Variants in PHAF1 observed in about 807,000 individuals in gnomAD.
PHAF1 encodes phagosome assembly factor 1.
PHAF1 carries 23 observed loss-of-function variants against 63.1 expected under a neutral mutation model. The ratio of observed to expected loss-of-function variants is 0.36; its 90% confidence interval spans 0.26 to 0.52. PHAF1 has a LOEUF of 0.52. Ranked by LOEUF, PHAF1 falls within the 20% of genes least tolerant of loss-of-function variation. PHAF1 has a pLI of 0.93. For missense variants in PHAF1, 427 were observed against 517.2 expected, an observed-to-expected ratio of 0.83 and a Z score of 1.69; for synonymous variants, 167 against 185.0, an observed-to-expected ratio of 0.90 and a Z score of 0.79.
Position 67,147,076 on chromosome 16 carries a change from C to T in PHAF1, c.1214C>T (p.Thr405Ile). ...VMQNNHIASV[T>I]LYGPPRPGSH... is the part of the protein sequence containing the mutation. Reference sequence around the variant, plus strand: ...CAGAACAACCACATTGCCTCGGTGACCCTGTATGGCCCCCCCAGGCCTGGT... The same window carrying T: ...CAGAACAACCACATTGCCTCGGTGATCCTGTATGGCCCCCCCAGGCCTGGT... The change falls in exon 16 of 16, where the codon ACC becomes ATC. Residue 405 changes from threonine to isoleucine, a missense_variant. Coordinates refer to ENST00000219139, the MANE Select transcript of PHAF1 (RefSeq NM_025187.5). 1 of 1,614,114 alleles carries T rather than the reference C, an allele frequency of 6.2e-7. No individual in the cohort carries two copies. The highest frequency in any genetic ancestry group is 8.5e-7 in the Non-Finnish European group (1 of 1,179,982).
rs563211101 is a variant in PHAF1 at position 67,142,482 on chromosome 16, G to C, written c.880-1812G>C. ...CCTTCTGCTTCCTACCACCATCAGC[G>C]TGCCATCCATGGTGCCCATGCTGTT... On this transcript the variant is annotated intron_variant, in intron 10 of 15. Transcript: ENST00000219139. Among the ~76,000 whole-genome samples the C allele has an allele frequency of 6.0e-4, 91 of 152,316 alleles. 1 individual carries two copies. The highest frequency in any genetic ancestry group is 2.1e-3 in the African/African-American group (87 of 41,574).
intron 8 of PHAF1, 139 bp downstream of exon 8, chr16:67,134,606 A>G: frequency 1.2e-6 from 1 of 813,384 alleles, no homozygotes; most frequent in East Asian, 2.6e-5. Context: ...GCTGCTAAAC[A>G]ACAAAAATTT....
chr16:67,141,715 C>A (rs963913574), intron 10 of PHAF1, among the ~76,000 whole-genome samples: 1 of 152,216 alleles, frequency 6.6e-6, no homozygotes. Context: ...GGCTAGATCA[C>A]GTGTACCGCA....
chr16:67,141,723 G>A (rs922479123), intron 10 of PHAF1, among the ~76,000 whole-genome samples: 21 of 152,326 alleles, frequency 1.4e-4, no homozygotes, highest in African/African-American at 4.1e-4. Context: ...CACGTGTACC[G>A]CAAGCGGCTT....
chr16:67,118,557 G>A (rs1042152402), intron 1 of PHAF1, among the ~76,000 whole-genome samples: 1 of 150,914 alleles, frequency 6.6e-6, no homozygotes, highest in Non-Finnish European at 1.5e-5. Context: ...GGTTGGTCTT[G>A]AACTTCTAAC....
chr16:67,148,329 G>A lies in PHAF1; in HGVS notation c.*1198G>A, dbSNP rs1891062241. 1 of 152,598 alleles carries A rather than the reference G, an allele frequency of 6.6e-6. No homozygotes were observed. Among genetic ancestry groups the A allele is most frequent in the Non-Finnish European group, 1.5e-5 (1 of 68,056 alleles). The allele number at this position is 152,598 out of a possible 1,614,324, so 9.5% of individuals were successfully genotyped here. A position where few individuals can be genotyped will look rare whatever the true frequency, so the allele number is the denominator to read the frequency against. On this transcript the variant is annotated 3_prime_UTR_variant, in exon 16 of 16. Transcript: ENST00000219139. The stretch of plus-strand genomic sequence containing the variant: ...ATAGCCAGGTTTGTGTGGCGCTCCC[G>A]ACTTTTGTGACTGACTGGTGTCTTC...
chr16:67,142,818 C>A (rs1270053756), intron 10 of PHAF1, among the ~76,000 whole-genome samples: 1 of 152,236 alleles, frequency 6.6e-6, no homozygotes, highest in Non-Finnish European at 1.5e-5. Flanking sequence ...GTTCCCAGTT[C>A]CCATAGGCTC....
intron 15 of PHAF1, among the ~76,000 whole-genome samples, 155 bp from the exon 16 acceptor site, chr16:67,146,890 A>AG (rs1597221916): frequency 6.6e-6 from 1 of 152,112 alleles, no homozygotes. Flanking sequence ...TCTCAGGCAG[A>AG]GGGGGGCCTT....
chr16:67,133,817 C>T (rs1181716473), intron 6 of PHAF1, among the ~76,000 whole-genome samples: 6 of 150,646 alleles, frequency 4.0e-5, no homozygotes, highest in African/African-American at 1.5e-4. Flanking sequence ...TGGTGGTGCA[C>T]ACTTGTAGTC....
intron 3 of PHAF1, 67 bp from the exon 4 acceptor site, chr16:67,131,219 G>A: frequency 3.0e-6 from 1 of 338,564 alleles, no homozygotes; most frequent in South Asian, 3.4e-5. Context: ...TTCTATAAAT[G>A]TATTTTTAAT....
chr16:67,143,475 C>T (rs1010127517), intron 10 of PHAF1, among the ~76,000 whole-genome samples: 5 of 152,186 alleles, frequency 3.3e-5, no homozygotes, highest in African/African-American at 9.7e-5. Flanking sequence ...TCTGCATCCT[C>T]GGATTCTCTT....
At chr16:67,118,645 A>C (rs1316210661) in intron 1 of PHAF1, among the ~76,000 whole-genome samples, 1 of 151,634 alleles carries the variant, frequency 6.6e-6, no homozygotes, top group Non-Finnish European at 1.5e-5. Flanking sequence ...CCTTGTCGCT[A>C]TTTTTAAATT....
At chr16:67,145,513 G>A in intron 13 of PHAF1, 57 bp from the exon 14 acceptor site, 2 of 1,612,550 alleles carry the variant, frequency 1.2e-6, no homozygotes, top group South Asian at 2.2e-5. Context: ...GCCAGCCATT[G>A]GTCACAGACA....
chr16:67,114,506 A>T (rs961715065), intron 1 of PHAF1, among the ~76,000 whole-genome samples: 5 of 151,050 alleles, frequency 3.3e-5, no homozygotes, highest in African/African-American at 1.2e-4. Context: ...CTAGGGGTTC[A>T]GAGAAGGCTT....
At chr16:67,111,969 A>T (rs1281214625) in intron 1 of PHAF1, among the ~76,000 whole-genome samples, 2 of 152,132 alleles carry the variant, frequency 1.3e-5, no homozygotes, top group African/African-American at 4.8e-5. Context: ...TTCATAACTT[A>T]ACACCACTCC....
chr16:67,146,471 C>A, intron 15 of PHAF1, 121 bp downstream of exon 15: 1 of 1,020,348 alleles, frequency 9.8e-7, no homozygotes, highest in Non-Finnish European at 1.5e-6. Context: ...ATTCATCCTT[C>A]TTCAGCAACC....
chr16:67,110,436 C>T (rs1273562620), intron 1 of PHAF1, among the ~76,000 whole-genome samples, 197 bp downstream of exon 1: 1 of 152,092 alleles, frequency 6.6e-6, no homozygotes, highest in African/African-American at 2.4e-5. Context: ...CGTCTCGGGT[C>T]TCAGCAGGGT....
At chr16:67,146,409 C>T in intron 15 of PHAF1, 59 bp downstream of exon 15, 1 of 1,525,720 alleles carries the variant, frequency 6.6e-7, no homozygotes, top group Non-Finnish European at 9.1e-7. Context: ...ATGGCAGGGC[C>T]AGGTGAATGA....
At chr16:67,143,574 G>C (rs908012621) in intron 10 of PHAF1, among the ~76,000 whole-genome samples, 1 of 152,174 alleles carries the variant, frequency 6.6e-6, no homozygotes, top group African/African-American at 2.4e-5. Flanking sequence ...AGAGGAACCT[G>C]CCTTGAAAGT....
Sources: gnomAD v4.1 joint callset for allele counts (sites outside exome capture counted in the v4.1 genomes callset) on GRCh38, gnomAD v4.1.1 for gene constraint, MANE v1.5 for transcripts, NCBI Gene and HGNC (gene_info 2026-07-23, HGNC 2026-07-21) for gene names.